PHYHD1: variants seen among roughly 807,000 people sequenced by gnomAD.
PHYHD1 encodes phytanoyl-CoA dioxygenase domain containing 1, also known as phytanoyl-CoA dioxygenase domain-containing protein 1.
Under a neutral mutation model 43.6 loss-of-function variants are expected in PHYHD1, and 42 were observed. The observed-to-expected ratio is 0.96, with a 90% CI of 0.75 to 1.25. PHYHD1 has a LOEUF of 1.25. Ranked by LOEUF, PHYHD1 falls within the 50% of genes most tolerant of loss-of-function variation. The pLI is 0.00. For synonymous variants in PHYHD1, 139 were observed against 143.6 expected, an observed-to-expected ratio of 0.97 and a Z score of 0.23; for missense variants, 342 against 370.8, an observed-to-expected ratio of 0.92 and a Z score of 0.64.
chr9:128,923,880 G>T (rs912966845), intron 3 of PHYHD1, among the ~76,000 whole-genome samples: 2 of 152,222 alleles, frequency 1.3e-5, no homozygotes, highest in Non-Finnish European at 2.9e-5. Context: ...CACTTTGGGA[G>T]GCCAAGGCAG....
Position 128,940,350 on chromosome 9 carries a change from C to A in PHYHD1, c.458-19C>A, listed in dbSNP as rs1017305164. On this transcript the variant is annotated intron_variant, in intron 9 of 12. Coordinates refer to ENST00000372592, the MANE Select transcript of PHYHD1 (RefSeq NM_001100876.2). ...ACAGGCAAAAGGATGAGCTCCTCAC[C>A]CCCCGTGGGCCTGCTTAGTCTCCCC... The A allele has an allele frequency of 1.9e-6, 3 of 1,613,366 alleles. No individual in the cohort carries two copies. The highest frequency in any genetic ancestry group is 2.2e-5 in the South Asian group (2 of 91,050).
intron 11 of PHYHD1, 108 bp from the exon 12 acceptor site, chr9:128,941,337 G>A: frequency 1.4e-6 from 2 of 1,451,582 alleles, no homozygotes; most frequent in Non-Finnish European, 1.9e-6. Context: ...AATGGGGATG[G>A]ATGGGGGCCA....
At position 128,940,288 on chromosome 9, in the gene PHYHD1, A is replaced by G. The variant is rs1042374237; in HGVS notation, c.458-81A>G. On this transcript the variant is annotated intron_variant, in intron 9 of 12. Coordinates refer to ENST00000372592, the MANE Select transcript of PHYHD1 (RefSeq NM_001100876.2). The stretch of plus-strand genomic sequence containing the variant: ...GCTGGCCCTGGAGAGCACCCAGAGG[A>G]CTGAGGAATAGGTAATGAGGCCAAG... 14 of 1,578,038 alleles carry G rather than the reference A, an allele frequency of 8.9e-6. No homozygotes were observed. In the Admixed American group the frequency reaches 2.4e-4, roughly 27 times the overall value.
intron 5 of PHYHD1, 38 bp from the exon 6 acceptor site, chr9:128,933,973 C>A: frequency 6.2e-7 from 1 of 1,611,022 alleles, no homozygotes; most frequent in Non-Finnish European, 8.5e-7. Flanking sequence ...GAAGGCTGGA[C>A]ACCAGTTCTC....
In PHYHD1 at chr9:128,940,719, G is replaced by A. The variant is rs762106153; in HGVS notation, c.703+4G>A. 4.3e-6 allele frequency: 7 copies of A among 1,612,752 alleles called. No individual in the cohort carries two copies. Among genetic ancestry groups the A allele is most frequent in the Non-Finnish European group, 5.9e-6 (7 of 1,179,858 alleles). On this transcript the variant is annotated splice_donor_region_variant and intron_variant, in intron 11 of 12. Coordinates refer to ENST00000372592, the MANE Select transcript of PHYHD1 (RefSeq NM_001100876.2). ...GTGCCCACCCCAGTGCAGAGAGGTA[G>A]GCAGATGCAGAGGGCAGAGAGGCAG...
chr9:128,936,400 G>T, intron 6 of PHYHD1, 48 bp from the exon 7 acceptor site: 2 of 1,576,434 alleles, frequency 1.3e-6, no homozygotes, highest in East Asian at 2.3e-5. Context: ...GGGTGTGGAG[G>T]GACACGTGGG....
chr9:128,933,239 C>T (rs1445732934), intron 4 of PHYHD1, among the ~76,000 whole-genome samples: 8 of 149,050 alleles, frequency 5.4e-5, no homozygotes, highest in Non-Finnish European at 8.9e-5. Context: ...CTGCAACCTC[C>T]GCCTCCCATG....
intron 3 of PHYHD1, among the ~76,000 whole-genome samples, chr9:128,925,043 A>C (rs1045096512): frequency 6.6e-6 from 1 of 152,136 alleles, no homozygotes; most frequent in Admixed American, 6.6e-5. Flanking sequence ...CAAGGAGGCA[A>C]TTTTCAGCTT....
chr9:128,927,294 C>A, intron 4 of PHYHD1, 98 bp downstream of exon 4: 1 of 1,488,540 alleles, frequency 6.7e-7, no homozygotes. Context: ...CCCAAGGCTC[C>A]AGGGTGTCAG....
chr9:128,927,331 C>A, intron 4 of PHYHD1, 135 bp downstream of exon 4: 1 of 1,010,370 alleles, frequency 9.9e-7, no homozygotes, highest in Non-Finnish European at 1.5e-6. Flanking sequence ...ACCTTTCCCT[C>A]GCTCCTCACT....
chr9:128,924,890 A>C (rs762527209), intron 3 of PHYHD1, among the ~76,000 whole-genome samples: 22 of 152,160 alleles, frequency 1.4e-4, no homozygotes, highest in Non-Finnish European at 3.2e-4. Context: ...AGCTGAGATC[A>C]TGCCATTGCA....
At chr9:128,928,837 A>G (rs1392402126) in intron 4 of PHYHD1, among the ~76,000 whole-genome samples, 1 of 152,208 alleles carries the variant, frequency 6.6e-6, no homozygotes, top group Non-Finnish European at 1.5e-5. Context: ...AGAAAAAAAA[A>G]GATCAGTGGG....
At chr9:128,934,957 T>C (rs1356192496) in intron 6 of PHYHD1, among the ~76,000 whole-genome samples, 1 of 152,146 alleles carries the variant, frequency 6.6e-6, no homozygotes, top group Non-Finnish European at 1.5e-5. Flanking sequence ...GGCTCTCTAC[T>C]GCCTGGCCTG....
intron 8 of PHYHD1, 107 bp downstream of exon 8, chr9:128,936,752 G>A: frequency 2.4e-6 from 3 of 1,258,356 alleles, no homozygotes; most frequent in Non-Finnish European, 3.3e-6. Context: ...TATTATGTTG[G>A]TGGGAGAACA....
At chr9:128,932,948 C>T (rs1173385323) in intron 4 of PHYHD1, among the ~76,000 whole-genome samples, 1 of 149,844 alleles carries the variant, frequency 6.7e-6, no homozygotes, top group Non-Finnish European at 1.5e-5. Context: ...CCCGGGTTCA[C>T]GCCATTCTCC....
Position 128,941,951 on chromosome 9 carries a change from TC to T in PHYHD1, c.*239del. 1.7e-6 allele frequency: 1 copy of T among 588,054 alleles called. No homozygotes were observed. Among genetic ancestry groups the T allele is most frequent in the South Asian group, 2.1e-5 (1 of 46,532 alleles). 36.4% of individuals were successfully genotyped at this position (588,054 alleles called of 1,614,324 possible). A position where few individuals can be genotyped will look rare whatever the true frequency, so the allele number is the denominator to read the frequency against. On this transcript the variant is annotated 3_prime_UTR_variant, in exon 13 of 13. Coordinates refer to ENST00000372592, the MANE Select transcript of PHYHD1 (RefSeq NM_001100876.2). ...GGAGGCTTCTCAGCCACCAAAGGGT[TC>T]TGGCCCCTTCTCACTCTCCTCTCCT... is the stretch of plus-strand genomic sequence containing the variant.
chr9:128,927,807 T>C (rs994148357), intron 4 of PHYHD1, among the ~76,000 whole-genome samples: 3 of 152,234 alleles, frequency 2.0e-5, no homozygotes, highest in Non-Finnish European at 4.4e-5. Flanking sequence ...TTACTTTCTG[T>C]TTTCCGGCTG....
At chr9:128,932,387 G>C (rs1238556037) in intron 4 of PHYHD1, among the ~76,000 whole-genome samples, 1 of 151,066 alleles carries the variant, frequency 6.6e-6, no homozygotes, top group African/African-American at 2.4e-5. Flanking sequence ...TTTTTCTTGA[G>C]ATGGAATTTC....
Position 128,936,606 on chromosome 9 carries a change from C to A in PHYHD1, c.396C>A (p.Leu132=). Residue 132 remains leucine, a synonymous_variant, in exon 8 of 13, where the codon CTC becomes CTA. Transcript: ENST00000372592. Reference sequence around the variant, plus strand: ...AGACCTTGGCCAGAAGTCTGGGCCTCCAGATGCCCGTGGTGGTGCAGAGCA... The same window carrying A: ...AGACCTTGGCCAGAAGTCTGGGCCTACAGATGCCCGTGGTGGTGCAGAGCA... ...KVQTLARSLG[L]QMPVVVQSMY... 1 of 1,568,790 alleles carries A rather than the reference C, an allele frequency of 6.4e-7. No individual in the cohort carries two copies. Among genetic ancestry groups the A allele is most frequent in the East Asian group, 2.4e-5 (1 of 42,416 alleles).
Sources: gnomAD v4.1 joint callset for allele counts (sites outside exome capture counted in the v4.1 genomes callset) on GRCh38, gnomAD v4.1.1 for gene constraint, MANE v1.5 for transcripts, NCBI Gene and HGNC (gene_info 2026-07-23, HGNC 2026-07-21) for gene names.